Variants in DAPK1 observed in about 807,000 individuals in gnomAD.
The protein encoded by DAPK1 is death-associated protein kinase 1.
In DAPK1, 56 loss-of-function variants were observed where a neutral mutation model predicts 144.9. That is an observed-to-expected ratio of 0.39 (90% CI 0.31 to 0.48). DAPK1 has a LOEUF of 0.48. Among genes scored for constraint, DAPK1 ranks in the 20% least tolerant of loss-of-function variants. DAPK1 has a pLI of 0.95. For missense variants in DAPK1, 1,454 were observed against 1,875.4 expected, an observed-to-expected ratio of 0.78 and a Z score of 4.15; for synonymous variants, 690 against 749.0, an observed-to-expected ratio of 0.92 and a Z score of 1.29.
chr9:87,511,931 C>G (rs1326230957), intron 2 of DAPK1, among the ~76,000 whole-genome samples: 2 of 152,154 alleles, frequency 1.3e-5, no homozygotes, highest in Non-Finnish European at 2.9e-5. Flanking sequence ...AGGCTGGTCT[C>G]AAACTCCTGA....
chr9:87,511,668 T>TTGTGTGTGTGTGTG (rs59377718), intron 2 of DAPK1, among the ~76,000 whole-genome samples: 12,118 of 140,500 alleles, frequency 0.086, 604 homozygotes, highest in South Asian at 0.16. Context: ...TCTTTTTCTT[T>TTGTGTGTGTGTGTG]TGTGTGTGTG....
At chr9:87,664,781 C>T (rs986203012) in intron 18 of DAPK1, among the ~76,000 whole-genome samples, 1 of 152,230 alleles carries the variant, frequency 6.6e-6, no homozygotes, top group African/African-American at 2.4e-5. Context: ...CTCAGATGCT[C>T]TAGCAACTTC....
At chr9:87,525,523 C>A in intron 2 of DAPK1, 1 of 1,130,064 alleles carries the variant, frequency 8.8e-7, no homozygotes, top group Non-Finnish European at 1.3e-6. Context: ...CAATGAAAAA[C>A]CATGATAGTT....
At chr9:87,543,363 C>T (rs1321058007) in intron 2 of DAPK1, among the ~76,000 whole-genome samples, 4 of 152,184 alleles carry the variant, frequency 2.6e-5, no homozygotes, top group African/African-American at 9.6e-5. Context: ...TACAAATGAA[C>T]ACTTTTCATA....
At chr9:87,504,351 ATGG>A (rs2118027812) in intron 2 of DAPK1, among the ~76,000 whole-genome samples, 1 of 152,244 alleles carries the variant, frequency 6.6e-6, no homozygotes, top group African/African-American at 2.4e-5. Flanking sequence ...GGAAAGCATG[ATGG>A]TGTTAGTAAG....
chr9:87,648,799 C>T lies in DAPK1; in HGVS notation c.1348C>T (p.His450Tyr). 6.2e-7 allele frequency: 1 copy of T among 1,614,236 alleles called. No individual in the cohort carries two copies. The highest frequency in any genetic ancestry group is 8.5e-7 in the Non-Finnish European group (1 of 1,180,024). Reference sequence around the variant, plus strand: ...TCTGCAGTCTGGAGAGATGGCCCTCCACGTGGCAGCTCGCTATGGCCATGC... The same window carrying T: ...TCTGCAGTCTGGAGAGATGGCCCTCTACGTGGCAGCTCGCTATGGCCATGC... ...VKDKSGEMAL[H>Y]VAARYGHADV... The change falls in exon 15 of 26, where the codon CAC becomes TAC. Residue 450 changes from histidine (H) to tyrosine (Y), a missense_variant. Physicochemically the swap from His to Tyr is moderately conservative, Grantham distance 83. This residue lies in a region of DAPK1 where 429 missense variants were observed against 637.5 expected (regional missense o/e 0.67). Coordinates refer to ENST00000408954, the MANE Select transcript of DAPK1 (RefSeq NM_004938.4).
chr9:87,598,608 T>C (rs1231652141), intron 2 of DAPK1, among the ~76,000 whole-genome samples: 1 of 152,202 alleles, frequency 6.6e-6, no homozygotes, highest in Non-Finnish European at 1.5e-5. Context: ...GAGACATTAA[T>C]TGTCATGTCC....
At chr9:87,562,910 A>G (rs563288036) in intron 2 of DAPK1, among the ~76,000 whole-genome samples, 1 of 152,330 alleles carries the variant, frequency 6.6e-6, no homozygotes, top group East Asian at 1.9e-4. Context: ...AGGCATGATG[A>G]CTTGCTCAGC....
At chr9:87,636,554 A>G (rs1466440838) in intron 3 of DAPK1, among the ~76,000 whole-genome samples, 1 of 152,208 alleles carries the variant, frequency 6.6e-6, no homozygotes, top group Non-Finnish European at 1.5e-5. Context: ...AATAATTCTG[A>G]TACCCATGGA....
chr9:87,689,792 C>T (rs1824994499), intron 21 of DAPK1, among the ~76,000 whole-genome samples: 1 of 151,910 alleles, frequency 6.6e-6, no homozygotes, highest in South Asian at 2.1e-4. Flanking sequence ...TTCTTATTGC[C>T]TCTGTCAAGT....
intron 1 of DAPK1, 185 bp from the exon 2 acceptor site, chr9:87,498,785 G>T (rs1422266625): frequency 4.3e-6 from 2 of 464,424 alleles, no homozygotes; most frequent in Admixed American, 7.0e-5. Flanking sequence ...GCGCGCGCGG[G>T]GCTGAGGGGT....
At chr9:87,605,553 C>T (rs1038962710) in intron 3 of DAPK1, among the ~76,000 whole-genome samples, 2 of 152,072 alleles carry the variant, frequency 1.3e-5, no homozygotes, top group Non-Finnish European at 2.9e-5. Context: ...TGTTTTTCTG[C>T]CTTTCTTCCT....
At chr9:87,587,608 CA>C (rs374890730) in intron 2 of DAPK1, among the ~76,000 whole-genome samples, 38 of 152,352 alleles carry the variant, frequency 2.5e-4, no homozygotes, top group African/African-American at 9.1e-4. Flanking sequence ...TAATGTTACT[CA>C]AGGGCCCAAG....
chr9:87,692,106 TG>T (rs758801942), intron 21 of DAPK1, among the ~76,000 whole-genome samples: 1 of 152,168 alleles, frequency 6.6e-6, no homozygotes, highest in Non-Finnish European at 1.5e-5. Context: ...ATTGTTGTAT[TG>T]AAGTCTATCT....
chr9:87,604,852 C>A, intron 2 of DAPK1, 102 bp from the exon 3 acceptor site: 1 of 1,022,638 alleles, frequency 9.8e-7, no homozygotes, highest in South Asian at 1.6e-5. Context: ...TTGGAACTTT[C>A]CTATTCACAG....
intron 18 of DAPK1, among the ~76,000 whole-genome samples, chr9:87,662,986 GGCCCAGCACCTAC>G (rs1254204501): frequency 6.6e-6 from 1 of 152,020 alleles, no homozygotes; most frequent in African/African-American, 2.4e-5. Context: ...CTTCCTGGAA[GGCCCAGCACCTAC>G]GCCTTCCTCC....
chr9:87,619,047 C>A (rs1829198271), intron 3 of DAPK1, among the ~76,000 whole-genome samples: 1 of 152,112 alleles, frequency 6.6e-6, no homozygotes, highest in South Asian at 2.1e-4. Context: ...TCTCTTCCAC[C>A]CCACTTTGCC....
chr9:87,650,847 C>CAGCT (rs1293273225), intron 16 of DAPK1, among the ~76,000 whole-genome samples: 3 of 152,178 alleles, frequency 2.0e-5, no homozygotes, highest in Non-Finnish European at 4.4e-5. Context: ...AAACATCCTG[C>CAGCT]AGCTCACAGA....
At chr9:87,673,032 C>T (rs952581628) in intron 19 of DAPK1, among the ~76,000 whole-genome samples, 1 of 152,182 alleles carries the variant, frequency 6.6e-6, no homozygotes, top group African/African-American at 2.4e-5. Context: ...GTCATTTCTC[C>T]TTGATATTCC....
Sources: allele counts gnomAD v4.1 joint callset (sites outside exome capture counted in the v4.1 genomes callset), GRCh38; gene constraint gnomAD v4.1.1; regional missense constraint gnomAD v4.1.1; transcripts MANE v1.5; gene names NCBI Gene and HGNC (gene_info 2026-07-23, HGNC 2026-07-21).